PMM2: variants seen among roughly 807,000 people sequenced by gnomAD.
The protein encoded by PMM2 is mannose-6-phosphate isomerase.
PMM2 carries 35 observed loss-of-function variants against 33.2 expected under a neutral mutation model. That is an observed-to-expected ratio of 1.06 (90% CI 0.81 to 1.40). The LOEUF (loss-of-function observed/expected upper bound fraction) is 1.40. Ranked by LOEUF, PMM2 falls within the 40% of genes most tolerant of loss-of-function variation. The pLI is 0.00. For synonymous variants in PMM2, 153 were observed against 114.7 expected (o/e 1.33, Z -2.13); for missense variants, 386 against 306.0 (o/e 1.26, Z -1.95).
chr16:8,825,176 G>A (rs556172886), intron 7 of PMM2, among the ~76,000 whole-genome samples: 7 of 151,850 alleles, frequency 4.6e-5, no homozygotes, highest in South Asian at 2.1e-4. Flanking sequence ...GACTACAGGC[G>A]TGTGCCACCA....
chr16:8,801,712 A>G (rs776928715), intron 1 of PMM2, 87 bp from the exon 2 acceptor site: 14 of 820,612 alleles, frequency 1.7e-5, no homozygotes, highest in Non-Finnish European at 2.8e-5. Flanking sequence ...AGAAAATAAG[A>G]CTTATGTACT....
chr16:8,817,859 A>G (rs2060716595), intron 7 of PMM2, among the ~76,000 whole-genome samples: 1 of 152,026 alleles, frequency 6.6e-6, no homozygotes, highest in South Asian at 2.1e-4. Flanking sequence ...TCTTTCTCTT[A>G]ACGTATTTTA....
chr16:8,839,182 A>AC (rs1226287043), intron 7 of PMM2, among the ~76,000 whole-genome samples: 6 of 152,044 alleles, frequency 3.9e-5, no homozygotes, highest in Admixed American at 2.0e-4. Flanking sequence ...CATGAGGGGA[A>AC]CAGGGAGCTC....
chr16:8,814,725 A>G (rs2141025418), intron 7 of PMM2, among the ~76,000 whole-genome samples: 1 of 152,340 alleles, frequency 6.6e-6, no homozygotes, highest in African/African-American at 2.4e-5. Flanking sequence ...GGTATAATTG[A>G]TCAGCAAAAG....
chr16:8,839,881 G>C, intron 7 of PMM2, among the ~76,000 whole-genome samples: 1 of 138,746 alleles, frequency 7.2e-6, no homozygotes, highest in East Asian at 2.2e-4. Context: ...GGAGAAAGGA[G>C]AAAGGAGAAA....
intron 7 of PMM2, among the ~76,000 whole-genome samples, chr16:8,815,821 T>C (rs2060704939): frequency 6.6e-6 from 1 of 151,778 alleles, no homozygotes; most frequent in South Asian, 2.1e-4. Flanking sequence ...AACGTCAAAC[T>C]AAAAAGTGTC....
At chr16:8,798,254 C>T (rs891815749) in intron 1 of PMM2, among the ~76,000 whole-genome samples, 1 of 152,198 alleles carries the variant, frequency 6.6e-6, no homozygotes, top group African/African-American at 2.4e-5. Flanking sequence ...ACCAGGATTT[C>T]AACCCAAGAT....
At chr16:8,828,855 T>A (rs1418236283) in intron 7 of PMM2, among the ~76,000 whole-genome samples, 1 of 152,174 alleles carries the variant, frequency 6.6e-6, no homozygotes, top group Non-Finnish European at 1.5e-5. Context: ...AGGTAGTAGG[T>A]GTTCTAGAAA....
chr16:8,805,547 T>C (rs372990973), intron 3 of PMM2, among the ~76,000 whole-genome samples: 5 of 152,222 alleles, frequency 3.3e-5, no homozygotes, highest in African/African-American at 1.2e-4. Context: ...ATAACATTTC[T>C]ATGATGATAA....
intron 7 of PMM2, among the ~76,000 whole-genome samples, chr16:8,842,840 C>T (rs886167197): frequency 2.0e-5 from 3 of 151,908 alleles, no homozygotes; most frequent in African/African-American, 4.8e-5. Flanking sequence ...GGGATATTGG[C>T]GTTGAGCGGG....
At chr16:8,833,790 T>C (rs1366235255) in intron 7 of PMM2, among the ~76,000 whole-genome samples, 1 of 152,086 alleles carries the variant, frequency 6.6e-6, no homozygotes, top group Non-Finnish European at 1.5e-5. Flanking sequence ...GGTCTAAGAA[T>C]TGGGAGGACC....
At chr16:8,825,469 A>G (rs1596495714) in intron 7 of PMM2, among the ~76,000 whole-genome samples, 1 of 150,770 alleles carries the variant, frequency 6.6e-6, no homozygotes, top group Non-Finnish European at 1.5e-5. Flanking sequence ...ACAGGCACCC[A>G]CCACCACTCC....
At position 8,827,981 on chromosome 16, in the gene PMM2, CT is replaced by C. The variant is rs1278896663; in HGVS notation, c.639+14877del. 7.0e-5 allele frequency among the ~76,000 whole-genome samples: 8 copies of C among 114,266 alleles called. No individual in the cohort carries two copies. In the East Asian group the frequency reaches 7.6e-4, roughly 11 times the overall value. The allele number at this position is 114,266 out of a possible 152,430, so 75.0% of individuals were successfully genotyped here. On this transcript the variant is annotated intron_variant, in intron 7 of 7. Transcript: ENST00000268261. ...TATAAATTTATATATATATATAAAA[CT>C]TGGATATCCATTTTTAATTAAGCAG...
intron 7 of PMM2, among the ~76,000 whole-genome samples, chr16:8,834,845 T>G (rs1055386360): frequency 1.3e-5 from 2 of 151,998 alleles, no homozygotes; most frequent in Non-Finnish European, 2.9e-5. Flanking sequence ...GGGGTGAATA[T>G]CAGGTGGATC....
chr16:8,811,333 T>C (rs748829307), intron 5 of PMM2, among the ~76,000 whole-genome samples, 155 bp downstream of exon 5: 1 of 152,002 alleles, frequency 6.6e-6, no homozygotes, highest in African/African-American at 2.4e-5. Context: ...CTAGGCAACA[T>C]AGTGAGACCT....
At chr16:8,828,821 C>G (rs1359999924) in intron 7 of PMM2, among the ~76,000 whole-genome samples, 1 of 152,118 alleles carries the variant, frequency 6.6e-6, no homozygotes, top group Non-Finnish European at 1.5e-5. Flanking sequence ...CGCTGTATCT[C>G]CAGCTACTAA....
At chr16:8,838,975 A>G (rs920564089) in intron 7 of PMM2, among the ~76,000 whole-genome samples, 8 of 152,040 alleles carry the variant, frequency 5.3e-5, no homozygotes, top group African/African-American at 1.7e-4. Context: ...TAAAGAGTCA[A>G]CTTGGGCCTG....
chr16:8,806,931 A>G (rs1181458341), intron 4 of PMM2: 1 of 158,736 alleles, frequency 6.3e-6, no homozygotes, highest in Non-Finnish European at 1.4e-5. Flanking sequence ...GTTGGCCTGC[A>G]GTGTTAAAGA....
intron 7 of PMM2, among the ~76,000 whole-genome samples, chr16:8,818,857 C>G (rs548378025): frequency 6.7e-6 from 1 of 149,576 alleles, no homozygotes; most frequent in African/African-American, 2.6e-5. Flanking sequence ...CATGGAGTAC[C>G]TTGGTTTGTT....
Sources: gnomAD v4.1 joint callset for allele counts (sites outside exome capture counted in the v4.1 genomes callset) on GRCh38, gnomAD v4.1.1 for gene constraint, MANE v1.5 for transcripts, NCBI Gene and HGNC (gene_info 2026-07-23, HGNC 2026-07-21) for gene names.